AKAP13: variants seen among roughly 807,000 people sequenced by gnomAD.
The protein encoded by AKAP13 is A-kinase anchoring protein 13.
In AKAP13, 80 loss-of-function variants were observed where a neutral mutation model predicts 264.5. The ratio of observed to expected loss-of-function variants is 0.30; its 90% confidence interval spans 0.25 to 0.36. The LOEUF (loss-of-function observed/expected upper bound fraction) is 0.36. Ranked by LOEUF, AKAP13 falls within the 10% of genes least tolerant of loss-of-function variation. The pLI is 1.00. For synonymous variants in AKAP13, 1,380 were observed against 1,250.2 expected (o/e 1.10, Z -2.19); for missense variants, 3,712 against 3,435.2 (o/e 1.08, Z -2.01).
chr15:85,393,845 T>G (rs902238662), intron 1 of AKAP13, among the ~76,000 whole-genome samples: 4 of 152,208 alleles, frequency 2.6e-5, no homozygotes, highest in African/African-American at 4.8e-5. Flanking sequence ...ATATCCAAAG[T>G]AGCTAGTTTA....
intron 8 of AKAP13, among the ~76,000 whole-genome samples, chr15:85,623,598 A>G (rs1409213668): frequency 1.3e-5 from 2 of 152,202 alleles, no homozygotes; most frequent in Non-Finnish European, 2.9e-5. Flanking sequence ...GAGGCTGGGT[A>G]CGCTAGTGTC....
intron 3 of AKAP13, among the ~76,000 whole-genome samples, chr15:85,524,915 A>G (rs993320030): frequency 6.7e-6 from 1 of 149,598 alleles, no homozygotes; most frequent in African/African-American, 2.5e-5. Context: ...GTGTGTAATT[A>G]CAAAGAAGTT....
In AKAP13 at chr15:85,449,426, T is replaced by C. The variant is rs369193872; in HGVS notation, c.-11-36284T>C. Among the ~76,000 whole-genome samples the C allele has an allele frequency of 1.4e-4, 21 of 152,336 alleles. No individual in the cohort carries two copies. The East Asian group carries it at 3.5e-3, about 25-fold the overall frequency. ...TACTTGGGTGCCCTTTACTTCTTTC[T>C]CTTGCCTGATTGCTCTGGCTAGGAT... On this transcript the variant is annotated intron_variant, in intron 1 of 36. Transcript: ENST00000394518.
At chr15:85,603,898 C>CA (rs1190067837) in intron 8 of AKAP13, among the ~76,000 whole-genome samples, 2 of 152,234 alleles carry the variant, frequency 1.3e-5, no homozygotes, top group Non-Finnish European at 2.9e-5. Flanking sequence ...TCATGTGCCT[C>CA]ACTAAGTACT....
At chr15:85,401,417 C>G (rs191393448) in intron 1 of AKAP13, among the ~76,000 whole-genome samples, 8 of 152,264 alleles carry the variant, frequency 5.3e-5, no homozygotes, top group Admixed American at 4.6e-4. Context: ...TTTTTATAGA[C>G]CTCCCAAAGG....
At chr15:85,441,418 G>A (rs1400398058) in intron 1 of AKAP13, among the ~76,000 whole-genome samples, 1 of 151,844 alleles carries the variant, frequency 6.6e-6, no homozygotes, top group Non-Finnish European at 1.5e-5. Flanking sequence ...TATATAATTG[G>A]TAAATATTTT....
At position 85,749,190 on chromosome 15, in the gene AKAP13, G is replaced by A. The variant is rs2089451056; in HGVS notation, c.*4513G>A. 3.3e-5 allele frequency: 5 copies of A among 152,364 alleles called. No homozygotes were observed. The South Asian group carries it at 8.3e-4, about 25-fold the overall frequency. The allele number at this position is 152,364 out of a possible 1,614,324, so 9.4% of individuals were successfully genotyped here. On this transcript the variant is annotated 3_prime_UTR_variant, in exon 37 of 37. Coordinates refer to ENST00000394518, the MANE Select transcript of AKAP13 (RefSeq NM_007200.5). ...ATATTCATTTGTAATTATGTATAAA[G>A]TGAAGCAGTTTTAAACTGTAAAGAT...
chr15:85,730,478 C>T (rs1426903458), intron 29 of AKAP13, 35 bp from the exon 30 acceptor site: 1 of 1,602,388 alleles, frequency 6.2e-7, no homozygotes, highest in Non-Finnish European at 8.5e-7. Flanking sequence ...TACTAAACAC[C>T]AATCAAATCA....
At chr15:85,562,576 T>G in intron 5 of AKAP13, among the ~76,000 whole-genome samples, 1 of 41,152 alleles carries the variant, frequency 2.4e-5, no homozygotes, top group East Asian at 4.9e-4. Context: ...AAAAAAAAAA[T>G]ATATATATAT....
chr15:85,731,436 T>TC (rs956640759), intron 30 of AKAP13, among the ~76,000 whole-genome samples: 1 of 152,328 alleles, frequency 6.6e-6, no homozygotes, highest in African/African-American at 2.4e-5. Context: ...TCTTTTTTTT[T>TC]CCATATAATT....
intron 1 of AKAP13, among the ~76,000 whole-genome samples, chr15:85,399,513 A>T (rs71408851): frequency 3.7e-4 from 26 of 69,976 alleles, no homozygotes; most frequent in Non-Finnish European, 6.3e-4. Flanking sequence ...AAAAAAAAAA[A>T]AAAAAAAAAT....
chr15:85,586,724 A>G (rs575092973), intron 8 of AKAP13, among the ~76,000 whole-genome samples: 2 of 152,210 alleles, frequency 1.3e-5, no homozygotes, highest in South Asian at 4.1e-4. Flanking sequence ...TCGGAAGTTC[A>G]AGATCAGCCC....
In AKAP13 at chr15:85,499,220, G is replaced by A. The variant is rs147747943; in HGVS notation, c.33+13467G>A. Among the ~76,000 whole-genome samples, 1,457 of 152,270 alleles carry A rather than the reference G, an allele frequency of 9.6e-3. 14 individuals carry two copies. Among genetic ancestry groups the A allele is most frequent in the Non-Finnish European group, 0.015 (1,031 of 68,008 alleles). ...CAAGGTGTGTACTATCAAATACAGG[G>A]TTGGGTATCTCTTTGTAAGAGATAG... On this transcript the variant is annotated intron_variant, in intron 2 of 36. Transcript: ENST00000394518.
chr15:85,592,263 G>A (rs1420076026), intron 8 of AKAP13, among the ~76,000 whole-genome samples: 1 of 151,892 alleles, frequency 6.6e-6, no homozygotes, highest in Non-Finnish European at 1.5e-5. Flanking sequence ...TTGTCTAAAG[G>A]GGGCGAACTT....
chr15:85,728,499 T>C lies in AKAP13; in HGVS notation c.7087+1036T>C, dbSNP rs1294190989. On this transcript the variant is annotated intron_variant, in intron 29 of 36. Coordinates refer to ENST00000394518, the MANE Select transcript of AKAP13 (RefSeq NM_007200.5). Reference sequence around the variant, plus strand: ...CTGCTAGGTACAACAGATGCAAAGATTCCTTAAAAAGAGCCCTTGCCCTTG... The same window carrying C: ...CTGCTAGGTACAACAGATGCAAAGACTCCTTAAAAAGAGCCCTTGCCCTTG... Among the ~76,000 whole-genome samples, 4 of 152,200 alleles carry C rather than the reference T, an allele frequency of 2.6e-5. No homozygotes were observed. The East Asian group carries it at 7.7e-4, about 29-fold the overall frequency.
chr15:85,581,700 G>T lies in AKAP13; in HGVS notation c.3632G>T (p.Gly1211Val). 2 of 1,614,146 alleles carry T rather than the reference G, an allele frequency of 1.2e-6. No homozygotes were observed. The highest frequency in any genetic ancestry group is 2.2e-5 in the East Asian group (1 of 44,876). Residue 1211 changes from glycine (G) to valine (V), a missense_variant, in exon 7 of 37, where the codon GGT becomes GTT. By Grantham distance (109) the Gly-to-Val change is moderately radical. Around this residue, in one of 3 missense-constraint regions of AKAP13, gnomAD observed 2,759 missense variants for 2,411.7 expected, o/e 1.14. Coordinates refer to ENST00000394518, the MANE Select transcript of AKAP13 (RefSeq NM_007200.5). ...GCCCATGATGATGGGGCCCCAGCTGGTGTGAGGGAAGTCATGCGAGCCCCG... is the reference window on the plus strand; with the variant it reads ...GCCCATGATGATGGGGCCCCAGCTGTTGTGAGGGAAGTCATGCGAGCCCCG... ...LSAHDDGAPA[G>V]VREVMRAPPS...
chr15:85,728,400 A>T (rs1216845123), intron 29 of AKAP13, among the ~76,000 whole-genome samples: 1 of 152,220 alleles, frequency 6.6e-6, no homozygotes, highest in Non-Finnish European at 1.5e-5. Flanking sequence ...TAGCAAATTT[A>T]TTGGCCCATG....
intron 17 of AKAP13, among the ~76,000 whole-genome samples, chr15:85,700,828 A>C (rs1234303742): frequency 3.3e-5 from 5 of 152,142 alleles, no homozygotes; most frequent in Non-Finnish European, 5.9e-5. Context: ...TTAAAAAAAA[A>C]CTGCTAATAT....
At chr15:85,561,645 G>T (rs971803973) in intron 5 of AKAP13, among the ~76,000 whole-genome samples, 4 of 152,146 alleles carry the variant, frequency 2.6e-5, no homozygotes, top group Non-Finnish European at 4.4e-5. Flanking sequence ...TAATACAGTG[G>T]CAGTATGCTG....
Sources: allele counts gnomAD v4.1 joint callset (sites outside exome capture counted in the v4.1 genomes callset), GRCh38; gene constraint gnomAD v4.1.1; regional missense constraint gnomAD v4.1.1; transcripts MANE v1.5; gene names NCBI Gene and HGNC (gene_info 2026-07-23, HGNC 2026-07-21).